The following RBBP8 variants were observed in gnomAD, a reference collection of about 807,000 sequenced individuals.
RBBP8 encodes the protein DNA endonuclease RBBP8.
Under a neutral mutation model 108.3 loss-of-function variants are expected in RBBP8, and 88 were observed. That is an observed-to-expected ratio of 0.81 (90% CI 0.68 to 0.97). The LOEUF (loss-of-function observed/expected upper bound fraction) is 0.97. RBBP8 is among the 50% of genes least tolerant of loss of function. The pLI is 0.00. For missense variants in RBBP8, 1,023 were observed against 1,049.0 expected (o/e 0.98, Z 0.34); for synonymous variants, 332 against 348.2 (o/e 0.95, Z 0.52).
At chr18:23,007,937 C>T (rs1281710176) in intron 16 of RBBP8, among the ~76,000 whole-genome samples, 4 of 151,288 alleles carry the variant, frequency 2.6e-5, no homozygotes, top group East Asian at 2.0e-4. Context: ...ATCAGCCTCG[C>T]GAGTAGCTGG....
intron 14 of RBBP8, among the ~76,000 whole-genome samples, chr18:22,998,048 T>A (rs574997122): frequency 6.6e-6 from 1 of 152,348 alleles, no homozygotes; most frequent in South Asian, 2.1e-4. Context: ...TGCCCATCGC[T>A]GTTTGTTCCA....
chr18:22,938,572 T>C lies in RBBP8; in HGVS notation c.109+1612T>C, dbSNP rs149511047. On this transcript the variant is annotated intron_variant, in intron 2 of 18. Coordinates refer to ENST00000327155, the MANE Select transcript of RBBP8 (RefSeq NM_002894.3). ...GGTGCTTTTTAACCACAGAACATAG[T>C]TTGTATACAACTTGCTGTTATTTAC... Among the ~76,000 whole-genome samples the C allele has an allele frequency of 6.1e-3, 926 of 152,314 alleles. 6 individuals are homozygous for C. The highest frequency in any genetic ancestry group is 0.022 in the African/African-American group (899 of 41,568).
At chr18:22,924,457 C>T (rs1909716709) in intron 3 of RBBP8, among the ~76,000 whole-genome samples, 1 of 151,852 alleles carries the variant, frequency 6.6e-6, no homozygotes, top group Non-Finnish European at 1.5e-5. Context: ...GAAAAATGTA[C>T]TTGCTCTGTC....
intron 3 of RBBP8, among the ~76,000 whole-genome samples, chr18:22,921,799 GC>G (rs1909604839): frequency 6.6e-6 from 1 of 152,114 alleles, no homozygotes; most frequent in South Asian, 2.1e-4. Context: ...GAATTTGCTT[GC>G]CAATTTTTAA....
In RBBP8 at chr18:23,007,703, A is replaced by C. The variant is rs1383653753; in HGVS notation, c.2357+1271A>C. Among the ~76,000 whole-genome samples the C allele has an allele frequency of 4.0e-5, 6 of 151,234 alleles. 1 individual carries two copies. The highest frequency in any genetic ancestry group is 1.5e-4 in the African/African-American group (6 of 41,354). On this transcript the variant is annotated intron_variant, in intron 16 of 18. Coordinates refer to ENST00000327155, the MANE Select transcript of RBBP8 (RefSeq NM_002894.3). ...ACAGAGCGAGACTCCGTCTCAGAAA[A>C]AAAAAAAAAAAAGACTTTAGGTAGT...
intron 2 of RBBP8, among the ~76,000 whole-genome samples, chr18:22,943,965 C>G (rs2144445754): frequency 6.6e-6 from 1 of 152,272 alleles, no homozygotes; most frequent in African/African-American, 2.4e-5. Context: ...AATTGTAGCA[C>G]AGTGCTTGGT....
intron 4 of RBBP8, among the ~76,000 whole-genome samples, chr18:22,958,781 A>G (rs1308185686): frequency 1.3e-5 from 2 of 152,152 alleles, no homozygotes; most frequent in African/African-American, 2.4e-5. Flanking sequence ...GGCTCAGACC[A>G]TCCTCCCACC....
At position 22,984,928 on chromosome 18, in the gene RBBP8, A is replaced by C. The variant is rs764925344; in HGVS notation, c.647A>C (p.Asn216Thr). 1 of 1,611,522 alleles carries C rather than the reference A, an allele frequency of 6.2e-7. No homozygotes were observed. The highest frequency in any genetic ancestry group is 8.5e-7 in the Non-Finnish European group (1 of 1,178,208). Residue 216 changes from asparagine to threonine, a missense_variant, in exon 8 of 19, where the codon AAT (asparagine) becomes ACT (threonine). Coordinates refer to ENST00000327155, the MANE Select transcript of RBBP8 (RefSeq NM_002894.3). The stretch of plus-strand genomic sequence containing the variant: ...AAGTCTTCAACTCATCCACAACATA[A>C]TCCTAATGAAAATGAAATTCTAGTA... Reference protein sequence around the residue: ...VSKSSTHPQHNPNENEILVAD... With the variant: ...VSKSSTHPQHTPNENEILVAD...
intron 14 of RBBP8, among the ~76,000 whole-genome samples, chr18:23,000,612 C>G (rs2045930926): frequency 2.0e-5 from 3 of 151,748 alleles, no homozygotes; most frequent in Non-Finnish European, 4.4e-5. Flanking sequence ...TATGGTGGCG[C>G]ACACCTCTAA....
At chr18:22,929,499 TGTGTGTGTG>T (rs758931716), upstream of RBBP8, 2,774 of 33,420 alleles carry the variant, frequency 0.083, 64 homozygotes, top group East Asian at 0.13. Context: ...TGTGTGTGTG[TGTGTGTGTG>T]TGAAGAGACA....
chr18:23,009,636 A>G (rs1203298351), intron 16 of RBBP8, among the ~76,000 whole-genome samples: 2 of 151,844 alleles, frequency 1.3e-5, no homozygotes, highest in Admixed American at 1.3e-4. Context: ...TATATCTTAT[A>G]GCTCCCTATC....
chr18:22,958,320 C>T (rs1407836154), intron 4 of RBBP8, among the ~76,000 whole-genome samples: 1 of 152,220 alleles, frequency 6.6e-6, no homozygotes, highest in East Asian at 1.9e-4. Flanking sequence ...CTTTCTGCCA[C>T]TGAGGGAAAT....
chr18:22,947,399 A>T (rs1409320129), intron 3 of RBBP8, among the ~76,000 whole-genome samples: 2 of 150,982 alleles, frequency 1.3e-5, no homozygotes, highest in African/African-American at 4.9e-5. Context: ...CATTTGATTT[A>T]AAAGTAATGA....
intron 3 of RBBP8, among the ~76,000 whole-genome samples, chr18:22,947,307 C>G (rs909962571): frequency 5.3e-5 from 8 of 151,934 alleles, no homozygotes; most frequent in Non-Finnish European, 8.8e-5. Flanking sequence ...GGGTATAACT[C>G]GAACATAATG....
At chr18:22,931,737 C>T (rs1331661360), upstream of RBBP8, among the ~76,000 whole-genome samples, 2 of 152,058 alleles carry the variant, frequency 1.3e-5, no homozygotes, top group African/African-American at 4.8e-5. Flanking sequence ...GCAGTCAGTC[C>T]AAAGTCACTC....
In RBBP8 at chr18:22,997,658, C is replaced by A; in HGVS notation, c.2067C>A (p.Asp689Glu). The A allele has an allele frequency of 6.2e-7, 1 of 1,610,240 alleles. No individual in the cohort carries two copies. Among genetic ancestry groups the A allele is most frequent in the Non-Finnish European group, 8.5e-7 (1 of 1,177,646 alleles). Residue 689 changes from aspartate to glutamate, a missense_variant, in exon 14 of 19, where the codon GAC becomes GAA. Asp to Glu is a conservative substitution (Grantham distance 45). Coordinates refer to ENST00000327155, the MANE Select transcript of RBBP8 (RefSeq NM_002894.3). ...CAAAATTAGGAGGAGAGACAGTGGA[C>A]ATGGACTGTACATTGGTTAGTGAAA... is the stretch of plus-strand genomic sequence containing the variant. The part of the protein sequence containing the change: ...SQSKLGGETV[D>E]MDCTLVSETV...
At chr18:22,939,309 C>T (rs1259742165) in intron 2 of RBBP8, among the ~76,000 whole-genome samples, 1 of 152,096 alleles carries the variant, frequency 6.6e-6, no homozygotes, top group African/African-American at 2.4e-5. Context: ...GAGTTCGAGA[C>T]CAGCCTGACC....
chr18:22,941,635 T>C (rs1445529077), intron 2 of RBBP8, among the ~76,000 whole-genome samples: 1 of 152,086 alleles, frequency 6.6e-6, no homozygotes, highest in Non-Finnish European at 1.5e-5. Flanking sequence ...ATTTATCAAA[T>C]TATAGAATAT....
chr18:22,923,634 T>A (rs1378026966), intron 3 of RBBP8, among the ~76,000 whole-genome samples: 1 of 152,210 alleles, frequency 6.6e-6, no homozygotes, highest in Non-Finnish European at 1.5e-5. Flanking sequence ...TAATCTCTCA[T>A]CCTATCTCCC....
Sources: gnomAD v4.1 joint callset for allele counts (sites outside exome capture counted in the v4.1 genomes callset) on GRCh38, gnomAD v4.1.1 for gene constraint, MANE v1.5 for transcripts, NCBI Gene and HGNC (gene_info 2026-07-23, HGNC 2026-07-21) for gene names.